LYPD6B: variants seen among roughly 807,000 people sequenced by gnomAD.
LYPD6B encodes the protein ly6/PLAUR domain-containing protein 6B.
In LYPD6B, 17 loss-of-function variants were observed where a neutral mutation model predicts 22.8. The observed-to-expected ratio is 0.75, with a 90% CI of 0.51 to 1.12. The LOEUF (loss-of-function observed/expected upper bound fraction) is 1.12, where lower values mean the gene tolerates loss of function less well. LYPD6B is among the 50% of genes most tolerant of loss of function. LYPD6B has a pLI of 0.00. For missense variants in LYPD6B, 221 were observed against 258.3 expected, an observed-to-expected ratio of 0.86 and a Z score of 0.99; for synonymous variants, 106 against 91.6, an observed-to-expected ratio of 1.16 and a Z score of -0.90.
intron 1 of LYPD6B, among the ~76,000 whole-genome samples, chr2:149,062,007 C>T (rs926218546): frequency 6.7e-6 from 1 of 149,368 alleles, no homozygotes; most frequent in Non-Finnish European, 1.5e-5. Flanking sequence ...TTCATTCTTG[C>T]TGCCCAGGCT....
chr2:149,050,315 G>A (rs1467180284), intron 1 of LYPD6B, among the ~76,000 whole-genome samples: 1 of 152,096 alleles, frequency 6.6e-6, no homozygotes, highest in African/African-American at 2.4e-5. Flanking sequence ...AATTCTCAAA[G>A]TATGCTACAT....
At chr2:149,205,482 T>C in intron 4 of LYPD6B, 78 bp downstream of exon 4, 1 of 1,433,700 alleles carries the variant, frequency 7.0e-7, no homozygotes, top group Non-Finnish European at 9.5e-7. Context: ...TTCCATTTAT[T>C]GTAACTTCGT....
At chr2:149,122,918 T>C (rs1305842586) in intron 1 of LYPD6B, among the ~76,000 whole-genome samples, 1 of 152,218 alleles carries the variant, frequency 6.6e-6, no homozygotes, top group African/African-American at 2.4e-5. Context: ...ATGGTTTCCG[T>C]GTCTGCATCT....
intron 2 of LYPD6B, among the ~76,000 whole-genome samples, chr2:149,158,834 T>C (rs534129076): frequency 1.3e-5 from 2 of 152,308 alleles, no homozygotes; most frequent in East Asian, 1.9e-4. Context: ...CTGAGGGCAG[T>C]TTTTCTATGG....
In LYPD6B at chr2:149,208,391, G is replaced by A. The variant is rs774299548; in HGVS notation, c.307G>A (p.Glu103Lys). The change falls in exon 5 of 7, where the codon GAA (glutamate) becomes AAA (lysine). Residue 103 changes from glutamate (E) to lysine (K), a missense_variant. Glu to Lys is a moderately conservative substitution (Grantham distance 56, BLOSUM62 1). Transcript: ENST00000409642. ...GDNYNCNRWA[E>K]DKWCPQNTQY... ...TAATTATAACTGCAATCGATGGGCA[G>A]AAGACAAATGGTGTCCACAAAGTAA... 6.2e-7 allele frequency: 1 copy of A among 1,613,428 alleles called. No individual in the cohort carries two copies. The highest frequency in any genetic ancestry group is 8.5e-7 in the Non-Finnish European group (1 of 1,179,426).
chr2:149,175,043 C>CTT, intron 3 of LYPD6B, among the ~76,000 whole-genome samples: 1 of 131,132 alleles, frequency 7.6e-6, no homozygotes, highest in Non-Finnish European at 1.7e-5. Context: ...CTCTCTCTCT[C>CTT]TCTCTCTCTC....
At chr2:149,144,357 T>G (rs949565113) in intron 2 of LYPD6B, among the ~76,000 whole-genome samples, 1 of 152,170 alleles carries the variant, frequency 6.6e-6, no homozygotes, top group Non-Finnish European at 1.5e-5. Context: ...TATCTGGCCC[T>G]TTAGATGAAA....
chr2:149,166,158 G>T (rs565160676), intron 3 of LYPD6B, among the ~76,000 whole-genome samples: 13 of 152,106 alleles, frequency 8.5e-5, no homozygotes, highest in Non-Finnish European at 1.5e-5. Context: ...TAATCAGAAA[G>T]ACTTAGCCTC....
chr2:149,117,310 G>C (rs1276355768), intron 1 of LYPD6B, among the ~76,000 whole-genome samples: 1 of 146,252 alleles, frequency 6.8e-6, no homozygotes, highest in Non-Finnish European at 1.5e-5. Context: ...TCCCTCTGTC[G>C]CTCAGGCAAG....
At chr2:149,187,283 A>G (rs1692176410) in intron 3 of LYPD6B, 8 of 884,238 alleles carry the variant, frequency 9.0e-6, no homozygotes, top group Non-Finnish European at 1.5e-6. Context: ...ACATGTTTGT[A>G]TAAGCCCAGA....
At chr2:149,117,961 AT>A (rs1687088623) in intron 1 of LYPD6B, among the ~76,000 whole-genome samples, 1 of 151,988 alleles carries the variant, frequency 6.6e-6, no homozygotes, top group African/African-American at 2.4e-5. Flanking sequence ...AGGCTGGAGG[AT>A]TTATTTCTAA....
intron 2 of LYPD6B, among the ~76,000 whole-genome samples, chr2:149,146,852 T>C (rs547808887): frequency 3.3e-5 from 5 of 152,326 alleles, no homozygotes; most frequent in Non-Finnish European, 5.9e-5. Flanking sequence ...TGCCGGAACA[T>C]ATTTCAAACA....
chr2:149,060,862 G>A (rs1017726632), intron 1 of LYPD6B, among the ~76,000 whole-genome samples: 2 of 152,166 alleles, frequency 1.3e-5, no homozygotes, highest in South Asian at 2.1e-4. Context: ...CTCCTGATCT[G>A]CATCTTTGTA....
intron 3 of LYPD6B, among the ~76,000 whole-genome samples, chr2:149,192,943 G>C (rs143267103): frequency 2.6e-5 from 4 of 152,066 alleles, no homozygotes; most frequent in African/African-American, 9.7e-5. Flanking sequence ...TTAAGTGGGG[G>C]AGTGATGAGC....
intron 4 of LYPD6B, among the ~76,000 whole-genome samples, chr2:149,206,372 CTG>C (rs202104180): frequency 6.6e-6 from 1 of 151,962 alleles, no homozygotes; most frequent in African/African-American, 2.4e-5. Context: ...ACAGTCATCT[CTG>C]TGTGTGTGTG....
In LYPD6B at chr2:149,205,400, C is replaced by T. The variant is rs372746729; in HGVS notation, c.225C>T (p.Leu75=). The T allele has an allele frequency of 5.6e-6, 9 of 1,613,528 alleles. No homozygotes were observed. Among genetic ancestry groups the T allele is most frequent in the African/African-American group, 1.3e-5 (1 of 74,920 alleles). The change falls in exon 4 of 7, where the codon CTC becomes CTT. Residue 75 remains leucine, a synonymous_variant. Transcript: ENST00000409642. ...ACTTCTATAATGTGAGGCCTCCTCT[C>T]GACCGTAAGTAGTGGTGGTTGCCAT... ...NINFYNVRPP[L]DPTPFPNSFK...
chr2:149,196,903 T>A (rs1018424358), intron 3 of LYPD6B, among the ~76,000 whole-genome samples: 1 of 152,206 alleles, frequency 6.6e-6, no homozygotes, highest in Non-Finnish European at 1.5e-5. Context: ...TTTCCTCAAC[T>A]GAATGCCACG....
At chr2:149,062,860 C>CTTTT (rs5835285) in intron 1 of LYPD6B, among the ~76,000 whole-genome samples, 12 of 93,506 alleles carry the variant, frequency 1.3e-4, no homozygotes, top group Non-Finnish European at 1.9e-4. Context: ...GATACATGTT[C>CTTTT]TTTTTTTTTT....
At chr2:149,050,748 G>C (rs1487220190) in intron 1 of LYPD6B, among the ~76,000 whole-genome samples, 1 of 152,166 alleles carries the variant, frequency 6.6e-6, no homozygotes, top group East Asian at 1.9e-4. Flanking sequence ...AGGTCAAACA[G>C]GGGACACCTC....
Sources: gnomAD v4.1 joint callset for allele counts (sites outside exome capture counted in the v4.1 genomes callset) on GRCh38, gnomAD v4.1.1 for gene constraint, MANE v1.5 for transcripts, NCBI Gene and HGNC (gene_info 2026-07-23, HGNC 2026-07-21) for gene names.